TDRD9: variants seen among roughly 807,000 people sequenced by gnomAD.
The protein encoded by TDRD9 is tudor domain containing 9.
TDRD9 carries 124 observed loss-of-function variants against 172.6 expected under a neutral mutation model. The ratio of observed to expected loss-of-function variants is 0.72; its 90% CI spans 0.62 to 0.83. The LOEUF is 0.83. TDRD9 is among the 40% of genes least tolerant of loss of function. The probability of loss-of-function intolerance (pLI) is 0.00; values close to 1 mark genes in which losing one functional copy is unlikely to be tolerated. For missense variants in TDRD9, 1,479 were observed against 1,714.1 expected (o/e 0.86, Z 2.42); for synonymous variants, 619 against 617.1 (o/e 1.00, Z -0.05).
intron 32 of TDRD9, among the ~76,000 whole-genome samples, chr14:104,037,281 G>T (rs1209273251): frequency 6.6e-6 from 1 of 152,166 alleles, no homozygotes; most frequent in African/African-American, 2.4e-5. Context: ...CCCGCCATGC[G>T]CCCATGCCCG....
chr14:103,958,041 G>A (rs1566739650), intron 2 of TDRD9, among the ~76,000 whole-genome samples: 1 of 152,164 alleles, frequency 6.6e-6, no homozygotes, highest in African/African-American at 2.4e-5. Flanking sequence ...ATTTATCAAG[G>A]TGTGTTCCAG....
intron 6 of TDRD9, among the ~76,000 whole-genome samples, chr14:103,971,885 G>T (rs1168887133): frequency 6.6e-6 from 1 of 152,214 alleles, no homozygotes; most frequent in Non-Finnish European, 1.5e-5. Flanking sequence ...GGGTGGTACA[G>T]TGGCTCACGC....
At chr14:104,036,270 C>T (rs2035447882) in intron 32 of TDRD9, among the ~76,000 whole-genome samples, 1 of 152,154 alleles carries the variant, frequency 6.6e-6, no homozygotes, top group African/African-American at 2.4e-5. Context: ...AAATACCGCC[C>T]TGTTTTAATT....
At position 104,042,049 on chromosome 14, in the gene TDRD9, A is replaced by G. The variant is rs763498566; in HGVS notation, c.3856-20A>G. ...TTACGACGGAGCCTTATGAGTGTTT[A>G]TGTTGCTGTTCATTTACAGGTTAAT... On this transcript the variant is annotated intron_variant, in intron 33 of 35. Coordinates refer to ENST00000409874, the MANE Select transcript of TDRD9 (RefSeq NM_153046.3). 3 of 1,449,166 alleles carry G rather than the reference A, an allele frequency of 2.1e-6. No individual in the cohort carries two copies. The highest frequency in any genetic ancestry group is 1.7e-4 in the Middle Eastern group (1 of 5,764). The allele number at this position is 1,449,166 out of a possible 1,614,324, so 89.8% of individuals were successfully genotyped here. A position where few individuals can be genotyped will look rare whatever the true frequency, so the allele number is the denominator to read the frequency against.
chr14:104,026,968 G>A (rs1273244058), intron 28 of TDRD9, 29 bp downstream of exon 28: 7 of 1,606,816 alleles, frequency 4.4e-6, no homozygotes, highest in Non-Finnish European at 6.0e-6. Context: ...GCTGGAGCAC[G>A]CGTTTGTGTG....
chr14:103,950,898 A>G (rs1473502750), intron 1 of TDRD9, among the ~76,000 whole-genome samples: 1 of 152,238 alleles, frequency 6.6e-6, no homozygotes, highest in East Asian at 1.9e-4. Flanking sequence ...TTCTAAAAGA[A>G]TATTTCTCCA....
chr14:104,027,052 C>A, intron 28 of TDRD9, 113 bp downstream of exon 28: 2 of 1,175,272 alleles, frequency 1.7e-6, no homozygotes, highest in Non-Finnish European at 1.2e-6. Context: ...TCCTCTTCAC[C>A]ATTTGGTTTG....
chr14:103,961,792 A>G (rs1414969219), intron 2 of TDRD9, among the ~76,000 whole-genome samples: 1 of 152,118 alleles, frequency 6.6e-6, no homozygotes, highest in Non-Finnish European at 1.5e-5. Flanking sequence ...ATTACATGTT[A>G]TTAGACCAGT....
chr14:103,947,754 C>T (rs1166244773), intron 1 of TDRD9, among the ~76,000 whole-genome samples: 1 of 152,138 alleles, frequency 6.6e-6, no homozygotes, highest in Non-Finnish European at 1.5e-5. Context: ...AAAAGTAAGA[C>T]CTAAAACTGC....
At chr14:103,986,945 C>G (rs572053738) in intron 8 of TDRD9, among the ~76,000 whole-genome samples, 8 of 152,256 alleles carry the variant, frequency 5.3e-5, no homozygotes, top group Non-Finnish European at 7.3e-5. Context: ...GAAACCCTGT[C>G]TCTACTAAAA....
Position 103,980,753 on chromosome 14 carries a change from C to T in TDRD9, c.1011+5200C>T, listed in dbSNP as rs375484683. 3.9e-5 allele frequency among the ~76,000 whole-genome samples: 6 copies of T among 152,226 alleles called. No homozygotes were observed. Among genetic ancestry groups the T allele is most frequent in the South Asian group, 2.1e-4 (1 of 4,826 alleles). On this transcript the variant is annotated intron_variant, in intron 7 of 35. Transcript: ENST00000409874. The surrounding 1 kb of genome is among the most constrained non-coding windows in gnomAD (Gnocchi z 4.5). ...TGACACTGACGCTACCACTAGACCACGGCTAGACCATGGTCCGCTTGGCAA... is the reference window on the plus strand; with the variant it reads ...TGACACTGACGCTACCACTAGACCATGGCTAGACCATGGTCCGCTTGGCAA...
In TDRD9 at chr14:104,051,967, G is replaced by T. The variant is rs1236171365; in HGVS notation, c.4048-14G>T. The T allele has an allele frequency of 1.3e-6, 2 of 1,571,788 alleles. No homozygotes were observed. The highest frequency in any genetic ancestry group is 1.8e-5 in the Admixed American group (1 of 54,582). On this transcript the variant is annotated splice_polypyrimidine_tract_variant and intron_variant, in intron 35 of 35. Transcript: ENST00000409874. ...GTCACAGAGCCTGACTGGTCCGCTT[G>T]TCTACCCCATTAGGTTGATCCAAAG...
rs573664139 is a variant in TDRD9, at chr14:103,995,847, G to C, written c.1378+40G>C. 29 of 1,539,352 alleles carry C rather than the reference G, an allele frequency of 1.9e-5. 2 individuals are homozygous for C. The African/African-American group carries it at 3.6e-4, about 19-fold the overall frequency. On this transcript the variant is annotated intron_variant, in intron 12 of 35. Coordinates refer to ENST00000409874, the MANE Select transcript of TDRD9 (RefSeq NM_153046.3). ...CGTTTACCTCCTGGCATTAGCTGTAGTGCCATATTTATTGGCTTATTCACC... is the reference window on the plus strand; with the variant it reads ...CGTTTACCTCCTGGCATTAGCTGTACTGCCATATTTATTGGCTTATTCACC...
chr14:103,942,030 G>A (rs56872578), intron 1 of TDRD9: 3,037 of 235,006 alleles, frequency 0.013, 142 homozygotes, highest in Admixed American at 0.12. Flanking sequence ...TTAATGTCGG[G>A]GCAAGTGCTG....
At chr14:103,968,432 G>A (rs902077177) in intron 5 of TDRD9, among the ~76,000 whole-genome samples, 1 of 152,180 alleles carries the variant, frequency 6.6e-6, no homozygotes, top group Non-Finnish European at 1.5e-5. Context: ...AAGAACAAAA[G>A]TTGAAGATAG....
At position 103,994,330 on chromosome 14, in the gene TDRD9, A is replaced by G; in HGVS notation, c.1181-2A>G. ...TCCCTCCTCCACTTTTTTCTTCCCT[A>G]GGTCTGGGTGAAATAAATTATATGC... On this transcript the variant is annotated splice_acceptor_variant, in intron 9 of 35. Transcript: ENST00000409874. LOFTEE classifies it high-confidence loss of function. The G allele has an allele frequency of 6.2e-7, 1 of 1,612,954 alleles. No individual in the cohort carries two copies. Among genetic ancestry groups the G allele is most frequent in the Non-Finnish European group, 8.5e-7 (1 of 1,179,282 alleles).
At chr14:103,958,202 G>A (rs946543886) in intron 2 of TDRD9, among the ~76,000 whole-genome samples, 1 of 152,218 alleles carries the variant, frequency 6.6e-6, no homozygotes, top group Non-Finnish European at 1.5e-5. Context: ...CTATGGGGGT[G>A]TAAAACAAGG....
intron 19 of TDRD9, among the ~76,000 whole-genome samples, chr14:104,008,041 AG>A (rs1297265733): frequency 4.6e-5 from 7 of 152,084 alleles, no homozygotes; most frequent in African/African-American, 1.7e-4. Flanking sequence ...GGCCTCCCAA[AG>A]TGGTGGGATT....
At chr14:103,972,526 G>A (rs552130176) in intron 6 of TDRD9, among the ~76,000 whole-genome samples, 1 of 152,308 alleles carries the variant, frequency 6.6e-6, no homozygotes, top group African/African-American at 2.4e-5. Flanking sequence ...ATGGCGAAGG[G>A]TTTAGAATAA....
Sources: allele counts gnomAD v4.1 joint callset (sites outside exome capture counted in the v4.1 genomes callset), GRCh38; gene constraint gnomAD v4.1.1; non-coding constraint Gnocchi (gnomAD v3.1); transcripts MANE v1.5; gene names NCBI Gene and HGNC (gene_info 2026-07-23, HGNC 2026-07-21).